Variants in ANKRD13D observed in about 807,000 individuals in gnomAD.
The protein encoded by ANKRD13D is ankyrin repeat domain-containing protein 13D.
Under a neutral mutation model 68.8 loss-of-function variants are expected in ANKRD13D, and 24 were observed. The observed-to-expected ratio is 0.35, with a 90% CI of 0.25 to 0.49. ANKRD13D has a LOEUF of 0.49. ANKRD13D is among the 20% of genes least tolerant of loss of function. ANKRD13D has a pLI of 0.99. For missense variants in ANKRD13D, 735 were observed against 832.1 expected, an observed-to-expected ratio of 0.88 and a Z score of 1.44; for synonymous variants, 331 against 336.1, an observed-to-expected ratio of 0.98 and a Z score of 0.16.
chr11:67,296,563 G>T (rs1860763764), intron 6 of ANKRD13D, among the ~76,000 whole-genome samples: 1 of 152,012 alleles, frequency 6.6e-6, no homozygotes, highest in Admixed American at 6.6e-5. Flanking sequence ...TTTTATTTCT[G>T]TTGCTCCCCT....
At position 67,290,497 on chromosome 11, in the gene ANKRD13D, C is replaced by T. The variant is rs368543003; in HGVS notation, c.351+51C>T. ...TGGGGTACCATGGCAGGGCACCACC[C>T]TGGTTACTGTGCCAGGCCTGGCCTT... On this transcript the variant is annotated intron_variant, in intron 3 of 14. Coordinates refer to ENST00000511455, the MANE Select transcript of ANKRD13D (RefSeq NM_207354.3). 22 of 1,517,652 alleles carry T rather than the reference C, an allele frequency of 1.4e-5. No homozygotes were observed. The African/African-American group carries it at 2.6e-4, about 18-fold the overall frequency. The allele number at this position is 1,517,652 out of a possible 1,614,324, so 94.0% of individuals were successfully genotyped here.
In ANKRD13D at chr11:67,301,405, C is replaced by T. The variant is rs1304769057; in HGVS notation, c.1348+7C>T. The T allele has an allele frequency of 2.5e-6, 4 of 1,609,590 alleles. No homozygotes were observed. The highest frequency in any genetic ancestry group is 3.4e-6 in the Non-Finnish European group (4 of 1,177,806). ...TCTGCTGTTGCCGCATCAGGTACCC[C>T]AACGGGAGGAAGAGGGAGCCTGCAC... On this transcript the variant is annotated splice_region_variant and intron_variant, in intron 12 of 14. Coordinates refer to ENST00000511455, the MANE Select transcript of ANKRD13D (RefSeq NM_207354.3). The surrounding 1 kb of genome is among the most constrained non-coding windows in gnomAD (Gnocchi z 4.5).
In ANKRD13D at chr11:67,291,983, G is replaced by T. The variant is rs1325652828; in HGVS notation, c.542-8G>T. 16 of 1,571,152 alleles carry T rather than the reference G, an allele frequency of 1.0e-5. No homozygotes were observed. Among genetic ancestry groups the T allele is most frequent in the Non-Finnish European group, 1.4e-5 (16 of 1,153,548 alleles). ...GCGCCCCCTCTGTCCACCCCTACCG[G>T]CCGGCAGAGGCAGGAGCCCTGGTGA... On this transcript the variant is annotated splice_region_variant and splice_polypyrimidine_tract_variant and intron_variant, in intron 5 of 14. Transcript: ENST00000511455.
chr11:67,291,861 G>T, intron 5 of ANKRD13D, 115 bp downstream of exon 5: 1 of 1,519,670 alleles, frequency 6.6e-7, no homozygotes, highest in South Asian at 1.3e-5. Flanking sequence ...GGTTGGGGAT[G>T]GAGGGGCATC....
rs1217789173 is a variant in ANKRD13D at position 67,289,455 on chromosome 11, C to A, written c.-6C>A. The A allele has an allele frequency of 1.3e-6, 2 of 1,483,494 alleles. No homozygotes were observed. The highest frequency in any genetic ancestry group is 4.4e-5 in the Admixed American group (2 of 45,126). The allele number at this position is 1,483,494 out of a possible 1,614,324, so 91.9% of individuals were successfully genotyped here. A position where few individuals can be genotyped will look rare whatever the true frequency, so the allele number is the denominator to read the frequency against. On this transcript the variant is annotated 5_prime_UTR_variant, in exon 1 of 15. Coordinates refer to ENST00000511455, the MANE Select transcript of ANKRD13D (RefSeq NM_207354.3). The stretch of plus-strand genomic sequence containing the variant: ...GCGGGGCCGGGATGCGGCGCTGAGG[C>A]CCAGCATGGCCGGCCCGGGCCCCAC...
rs761427954 is a variant in ANKRD13D, at chr11:67,301,586, G to A, written c.1447G>A (p.Asp483Asn). The A allele has an allele frequency of 1.2e-6, 2 of 1,612,940 alleles. No homozygotes were observed. Among genetic ancestry groups the A allele is most frequent in the Non-Finnish European group, 1.7e-6 (2 of 1,180,014 alleles). Reference protein sequence around the residue: ...MERNEPLRDEDDDLLQFAIQQ... With the variant: ...MERNEPLRDENDDLLQFAIQQ... ...GCGCAACGAGCCCCTCCGGGACGAG[G>A]ACGATGACCTCCTGCAGTTCGCCAT... Residue 483 changes from aspartate (D) to asparagine (N), a missense_variant, in exon 13 of 15, where the codon GAC (aspartate) becomes AAC (asparagine). Transcript: ENST00000511455. This position sits in a 1 kb window ranked among gnomAD's most constrained non-coding sequence, Gnocchi z 4.5.
In ANKRD13D at chr11:67,302,284, G is replaced by A. The variant is rs1487199766; in HGVS notation, c.1770G>A (p.Glu590=). 6.4e-7 allele frequency: 1 copy of A among 1,563,992 alleles called. No homozygotes were observed. The highest frequency in any genetic ancestry group is 8.7e-7 in the Non-Finnish European group (1 of 1,153,350). The change falls in exon 15 of 15, where the codon GAG becomes GAA. Residue 590 remains glutamate (E), a synonymous_variant. Transcript: ENST00000511455. ...AGCGGGAGCGGCGCGGGCAGCAGGAGGAGGAGGACTTACAGCGGATCCTGC... is the reference window on the plus strand; with the variant it reads ...AGCGGGAGCGGCGCGGGCAGCAGGAAGAGGAGGACTTACAGCGGATCCTGC... ...QEERERRGQQ[E]EEDLQRILQL...
Position 67,290,146 on chromosome 11 carries a change from G to A in ANKRD13D, c.159G>A (p.Leu53=). The A allele has an allele frequency of 5.9e-6, 9 of 1,537,178 alleles. No individual in the cohort carries two copies. Among genetic ancestry groups the A allele is most frequent in the Non-Finnish European group, 7.8e-6 (9 of 1,146,906 alleles). ...PLELAVSLGN[L]ESVRVLLRHN... is the part of the protein sequence containing the mutation. ...AGCTGGCCGTGTCTCTGGGAAACCT[G>A]GAGTCTGTGAGAGTGCTCCTTCGAC... The change falls in exon 2 of 15, where the codon CTG becomes CTA. Residue 53 remains leucine (L), a synonymous_variant. Transcript: ENST00000511455.
chr11:67,297,525 G>GT (rs1288562007), intron 6 of ANKRD13D, among the ~76,000 whole-genome samples: 5,430 of 71,916 alleles, frequency 0.076, 403 homozygotes, highest in Admixed American at 0.33. Flanking sequence ...TAAGTTTTTT[G>GT]GTTTTTTTTT....
At chr11:67,292,517 T>C (rs915433267) in intron 6 of ANKRD13D, among the ~76,000 whole-genome samples, 1 of 152,122 alleles carries the variant, frequency 6.6e-6, no homozygotes, top group Admixed American at 6.5e-5. Context: ...TGCGGCTGTG[T>C]TGGGGGCAGA....
chr11:67,290,705 C>A, intron 3 of ANKRD13D: 1 of 445,114 alleles, frequency 2.2e-6, no homozygotes, highest in Non-Finnish European at 4.0e-6. Flanking sequence ...TTACCTGGAG[C>A]AGGGACTTCA....
In ANKRD13D at chr11:67,300,969, G is replaced by A. The variant is rs770703820; in HGVS notation, c.1074-21G>A. On this transcript the variant is annotated intron_variant, in intron 10 of 14. Transcript: ENST00000511455. The surrounding 1 kb of genome is among the most constrained non-coding windows in gnomAD (Gnocchi z 4.3). ...GGGCCACCAGCCGTGCCTCACCCAT[G>A]TCCTGTGGTCGGCTGGGCAGGTTCA... is the stretch of plus-strand genomic sequence containing the variant. 2.5e-6 allele frequency: 4 copies of A among 1,612,916 alleles called. No individual in the cohort carries two copies. The highest frequency in any genetic ancestry group is 1.3e-5 in the African/African-American group (1 of 74,936).
intron 1 of ANKRD13D, 108 bp downstream of exon 1, chr11:67,289,658 A>G: frequency 2.2e-6 from 2 of 922,094 alleles, no homozygotes; most frequent in Non-Finnish European, 1.4e-6. Context: ...CTCCGCAGCC[A>G]CATCCTGGGC....
chr11:67,289,478 C>T lies in ANKRD13D; in HGVS notation c.18C>T (p.Pro6=). The change falls in exon 1 of 15, where the codon CCC becomes CCT. Residue 6 remains proline (P), a synonymous_variant. Transcript: ENST00000511455. ...GGCCCAGCATGGCCGGCCCGGGCCC[C>T]ACCTTCCCGCTGCACCGGCTCGTCT... MAGPG[P]TFPLHRLVWA... is the part of the protein sequence containing the mutation. 1 of 1,509,366 alleles carries T rather than the reference C, an allele frequency of 6.6e-7. No individual in the cohort carries two copies. The highest frequency in any genetic ancestry group is 8.8e-7 in the Non-Finnish European group (1 of 1,136,766). 93.5% of individuals were successfully genotyped at this position (1,509,366 alleles called of 1,614,324 possible). A position where few individuals can be genotyped will look rare whatever the true frequency, so the allele number is the denominator to read the frequency against.
Position 67,299,830 on chromosome 11 carries a change from G to C in ANKRD13D, c.884G>C (p.Gly295Ala). The part of the protein sequence containing the change: ...SDQDKSRSKA[G>A]KTPFQSFLGM... ...AGCTCCCACCCCTTCTCCGTAGCGG[G>C]GAAGACTCCATTCCAGTCCTTCCTG... The change falls in exon 9 of 15, where the codon GGG becomes GCG. Residue 295 changes from glycine (G) to alanine (A), a missense_variant. Coordinates refer to ENST00000511455, the MANE Select transcript of ANKRD13D (RefSeq NM_207354.3). The surrounding 1 kb of genome is among the most constrained non-coding windows in gnomAD (Gnocchi z 6.2). 1 of 1,534,114 alleles carries C rather than the reference G, an allele frequency of 6.5e-7. No individual in the cohort carries two copies. The highest frequency in any genetic ancestry group is 8.8e-7 in the Non-Finnish European group (1 of 1,140,174).
intron 6 of ANKRD13D, 112 bp from the exon 7 acceptor site, chr11:67,298,946 C>A: frequency 9.4e-7 from 1 of 1,069,198 alleles, no homozygotes; most frequent in Non-Finnish European, 1.5e-6. Flanking sequence ...CGAGAAGGGG[C>A]CCTGAGAGTT....
chr11:67,300,834 G>A lies in ANKRD13D; in HGVS notation c.1074-156G>A. On this transcript the variant is annotated intron_variant, in intron 10 of 14. Transcript: ENST00000511455. This position sits in a 1 kb window ranked among gnomAD's most constrained non-coding sequence, Gnocchi z 4.3. Reference sequence around the variant, plus strand: ...CTTGGGCCACGTGGCCAGGACACCAGCTCCCGGGGGAGGCGGGCAGCGGCA... The same window carrying A: ...CTTGGGCCACGTGGCCAGGACACCAACTCCCGGGGGAGGCGGGCAGCGGCA... 1.1e-6 allele frequency: 1 copy of A among 943,936 alleles called. No homozygotes were observed. The highest frequency in any genetic ancestry group is 1.5e-6 in the Non-Finnish European group (1 of 650,410). 58.5% of individuals were successfully genotyped at this position (943,936 alleles called of 1,614,324 possible).
At position 67,301,954 on chromosome 11, in the gene ANKRD13D, A is replaced by T; in HGVS notation, c.1604+131A>T. 7.5e-7 allele frequency: 1 copy of T among 1,336,224 alleles called. No individual in the cohort carries two copies. Among genetic ancestry groups the T allele is most frequent in the African/African-American group, 1.5e-5 (1 of 67,690 alleles). 82.8% of individuals were successfully genotyped at this position (1,336,224 alleles called of 1,614,324 possible). ...CCCTCTGTCAGCAGCGCTATCTGCC[A>T]CCAAAGGTGGTGTGAGGGGTGGGGA... On this transcript the variant is annotated intron_variant, in intron 14 of 14. Transcript: ENST00000511455. The surrounding 1 kb of genome is among the most constrained non-coding windows in gnomAD (Gnocchi z 4.5).
chr11:67,296,195 G>A (rs1860750034), intron 6 of ANKRD13D, among the ~76,000 whole-genome samples: 1 of 152,054 alleles, frequency 6.6e-6, no homozygotes, highest in African/African-American at 2.4e-5. Flanking sequence ...ATATATGTCT[G>A]GTTTTGGTAT....
Sources: allele counts gnomAD v4.1 joint callset (sites outside exome capture counted in the v4.1 genomes callset), GRCh38; gene constraint gnomAD v4.1.1; non-coding constraint Gnocchi (gnomAD v3.1); transcripts MANE v1.5; gene names NCBI Gene and HGNC (gene_info 2026-07-23, HGNC 2026-07-21).